SPEN: variants seen among roughly 807,000 people sequenced by gnomAD.
The protein encoded by SPEN is msx2-interacting protein.
A neutral mutation model predicts 269.9 loss-of-function variants in SPEN; 18 were observed. The observed-to-expected ratio is 0.07, with a 90% CI of 0.05 to 0.10. The LOEUF (loss-of-function observed/expected upper bound fraction) is 0.10. Ranked by LOEUF, SPEN falls within the 10% of genes least tolerant of loss-of-function variation. The pLI is 1.00. For missense variants in SPEN, 3,822 were observed against 4,631.2 expected (o/e 0.83, Z 5.07); for synonymous variants, 1,726 against 1,765.7 (o/e 0.98, Z 0.56).
chr1:15,859,353 C>CTTTT (rs1272953375), intron 1 of SPEN, among the ~76,000 whole-genome samples: 2 of 105,242 alleles, frequency 1.9e-5, no homozygotes, highest in African/African-American at 7.7e-5. Flanking sequence ...TTTTCTTTTT[C>CTTTT]TTTTCTTTTT....
intron 3 of SPEN, among the ~76,000 whole-genome samples, chr1:15,904,855 G>C (rs888966653): frequency 6.6e-6 from 1 of 151,390 alleles, no homozygotes; most frequent in Non-Finnish European, 1.5e-5. Flanking sequence ...TATTTTAAAG[G>C]CATTATCACC....
At chr1:15,938,133 A>G in intron 13 of SPEN, 127 bp downstream of exon 13, 1 of 898,480 alleles carries the variant, frequency 1.1e-6, no homozygotes, top group East Asian at 2.7e-5. Context: ...TTGTTGAAAC[A>G]GTCTCTGTCG....
At chr1:15,901,649 CAAAA>C (rs113563212) in intron 3 of SPEN, among the ~76,000 whole-genome samples, 7 of 52,822 alleles carry the variant, frequency 1.3e-4, no homozygotes, top group East Asian at 6.3e-4. Flanking sequence ...GACTCCATCT[CAAAA>C]AAAAAAAAAA....
At chr1:15,938,628 G>A (rs2071304407) in intron 13 of SPEN, 90 bp from the exon 14 acceptor site, 4 of 1,230,378 alleles carry the variant, frequency 3.3e-6, no homozygotes, top group Admixed American at 5.5e-5. Flanking sequence ...TCAGAGGTGG[G>A]GGTTTTTGTG....
chr1:15,932,915 C>T lies in SPEN; in HGVS notation c.6675C>T (p.Asp2225=). The change falls in exon 11 of 15, where the codon GAC becomes GAT. Residue 2225 remains aspartate (D), a synonymous_variant. Transcript: ENST00000375759. This position sits in a 1 kb window ranked among gnomAD's most constrained non-coding sequence, Gnocchi z 4.2. The stretch of plus-strand genomic sequence containing the variant: ...CGGCCATCGGCTCCATCATCAATGA[C>T]ATTTCTGGGGAGCCAGAAAACTTCC... ...LAAAIGSIIN[D]ISGEPENFPA... The T allele has an allele frequency of 6.2e-7, 1 of 1,614,268 alleles. No homozygotes were observed. The highest frequency in any genetic ancestry group is 8.5e-7 in the Non-Finnish European group (1 of 1,180,044).
rs1033167544 is a variant in SPEN, at chr1:15,932,976, G to T, written c.6736G>T (p.Asp2246Tyr). 2.5e-6 allele frequency: 4 copies of T among 1,614,086 alleles called. No homozygotes were observed. Among genetic ancestry groups the T allele is most frequent in the Non-Finnish European group, 3.4e-6 (4 of 1,180,038 alleles). ...PPPYPGESQT[D>Y]LQPPAGAQAL... ...ACCTTATCCTGGAGAATCCCAGACA[G>T]ATCTGCAACCCCCCGCAGGTGCACA... Residue 2246 changes from aspartate (D) to tyrosine (Y), a missense_variant, in exon 11 of 15, where the codon GAT becomes TAT. Asp to Tyr is a radical substitution (Grantham distance 160). Coordinates refer to ENST00000375759, the MANE Select transcript of SPEN (RefSeq NM_015001.3). This position sits in a 1 kb window ranked among gnomAD's most constrained non-coding sequence, Gnocchi z 4.2.
chr1:15,886,313 C>T (rs1358017688), intron 3 of SPEN, among the ~76,000 whole-genome samples: 1 of 152,148 alleles, frequency 6.6e-6, no homozygotes, highest in Non-Finnish European at 1.5e-5. Context: ...GAGAAGCGCT[C>T]ATCTGGGCAG....
In SPEN at chr1:15,848,452, C is replaced by T. The variant is rs2070298634; in HGVS notation, c.83+302C>T. Among the ~76,000 whole-genome samples, 1 of 151,734 alleles carries T rather than the reference C, an allele frequency of 6.6e-6. No homozygotes were observed. The highest frequency in any genetic ancestry group is 1.5e-5 in the Non-Finnish European group (1 of 67,914). On this transcript the variant is annotated intron_variant, in intron 1 of 14. Coordinates refer to ENST00000375759, the MANE Select transcript of SPEN (RefSeq NM_015001.3). This position sits in a 1 kb window ranked among gnomAD's most constrained non-coding sequence, Gnocchi z 5.1. ...GCAGCCGGCGCCCCGGGGCTGCCCT[C>T]GCGTCAGCCCGGGAGTCGGTGGGAG...
In SPEN at chr1:15,937,742, C is replaced by G; in HGVS notation, c.10510-70C>G. 6.2e-7 allele frequency: 1 copy of G among 1,609,460 alleles called. No individual in the cohort carries two copies. The highest frequency in any genetic ancestry group is 8.5e-7 in the Non-Finnish European group (1 of 1,177,836). On this transcript the variant is annotated intron_variant, in intron 12 of 14. Coordinates refer to ENST00000375759, the MANE Select transcript of SPEN (RefSeq NM_015001.3). This position sits in a 1 kb window ranked among gnomAD's most constrained non-coding sequence, Gnocchi z 5.7. ...AGTTAACAGACCCACAAGCTACAGC[C>G]TCTGGCTGTGTCCAGCATGGCTCAG...
rs529472724 is a variant in SPEN at position 15,897,180 on chromosome 1, G to A, written c.882-12141G>A. Among the ~76,000 whole-genome samples, 4 of 152,102 alleles carry A rather than the reference G, an allele frequency of 2.6e-5. No individual in the cohort carries two copies. In the East Asian group the frequency reaches 7.7e-4, roughly 29 times the overall value. On this transcript the variant is annotated intron_variant, in intron 3 of 14. Transcript: ENST00000375759. ...CAAACAAAGTTGAAATTAAAATATT[G>A]GTTACATAATAAAAACTTTGTTTTT...
chr1:15,929,304 G>C lies in SPEN; in HGVS notation c.3064G>C (p.Val1022Leu), dbSNP rs115566585. ...CGTGCTTTCAAAAAAGCAGCCTGAC[G>C]TGTCCTCTAGAGAGGTCATTCTGCT... ...ARVLSKKQPD[V>L]SSREVILLRE... Residue 1022 changes from valine (V) to leucine (L), a missense_variant, in exon 11 of 15, where the codon GTG becomes CTG. Physicochemically the swap from Val to Leu is conservative, Grantham distance 32. Transcript: ENST00000375759. This position sits in a 1 kb window ranked among gnomAD's most constrained non-coding sequence, Gnocchi z 5.8. 3 of 1,614,198 alleles carry C rather than the reference G, an allele frequency of 1.9e-6. No homozygotes were observed. The highest frequency in any genetic ancestry group is 8.5e-7 in the Non-Finnish European group (1 of 1,180,026).
rs138355680 is a variant in SPEN, at chr1:15,929,649, C to T, written c.3409C>T (p.Arg1137Cys). 6.8e-6 allele frequency: 11 copies of T among 1,613,966 alleles called. No homozygotes were observed. The African/African-American group carries it at 1.3e-4, about 20-fold the overall frequency. Residue 1137 changes from arginine to cysteine, a missense_variant, in exon 11 of 15, where the codon CGT becomes TGT. By Grantham distance (180) the Arg-to-Cys change is radical (BLOSUM62 -3). Transcript: ENST00000375759. The surrounding 1 kb of genome is among the most constrained non-coding windows in gnomAD (Gnocchi z 5.8). ...CGTTAGGAAAAACTATTGCAGTCTTCGTGATGAAACACCTGAACGTAAATC... is the reference window on the plus strand; with the variant it reads ...CGTTAGGAAAAACTATTGCAGTCTTTGTGATGAAACACCTGAACGTAAATC... The part of the protein sequence containing the change: ...EDVRKNYCSL[R>C]DETPERKSGQ...
rs550385254 is a variant in SPEN, at chr1:15,876,481, A to G, written c.684A>G (p.Val228=). The change falls in exon 3 of 15, where the codon GTA becomes GTG. Residue 228 remains valine (V), a synonymous_variant. Transcript: ENST00000375759. ...ACAGGGATGATATTACCCGGGAGGT[A>G]CGAGGCAGAAGGCCAGAGCGGAATT... ...DIYRDDITRE[V]RGRRPERNYQ... 8.7e-6 allele frequency: 14 copies of G among 1,614,178 alleles called. No homozygotes were observed. The South Asian group carries it at 1.4e-4, about 16-fold the overall frequency.
rs372374019 is a variant in SPEN at position 15,931,979 on chromosome 1, C to T, written c.5739C>T (p.Asp1913=). 6.2e-7 allele frequency: 1 copy of T among 1,614,220 alleles called. No homozygotes were observed. The highest frequency in any genetic ancestry group is 8.5e-7 in the Non-Finnish European group (1 of 1,180,036). Residue 1913 remains aspartate, a synonymous_variant, in exon 11 of 15, where the codon GAC becomes GAT. Transcript: ENST00000375759. The surrounding 1 kb of genome is among the most constrained non-coding windows in gnomAD (Gnocchi z 4.8). ...NVRSVYATMG[D]HENRSPVKEP... is the part of the protein sequence containing the mutation. Reference sequence around the variant, plus strand: ...GGAGCGTCTATGCAACCATGGGTGACCATGAAAACCGCTCTCCTGTCAAAG... The same window carrying T: ...GGAGCGTCTATGCAACCATGGGTGATCATGAAAACCGCTCTCCTGTCAAAG...
At chr1:15,909,760 G>A (rs1477267501) in intron 4 of SPEN, among the ~76,000 whole-genome samples, 1 of 152,122 alleles carries the variant, frequency 6.6e-6, no homozygotes, top group East Asian at 1.9e-4. Context: ...ACTATTAGTA[G>A]ATAGTCATGC....
chr1:15,850,595 T>C (rs1180608544), intron 1 of SPEN, among the ~76,000 whole-genome samples: 3 of 152,224 alleles, frequency 2.0e-5, no homozygotes, highest in Non-Finnish European at 4.4e-5. Flanking sequence ...TTTATCTTTC[T>C]GCATGTACAA....
intron 4 of SPEN, 99 bp from the exon 5 acceptor site, chr1:15,911,002 C>A: frequency 9.3e-7 from 1 of 1,071,612 alleles, no homozygotes; most frequent in Non-Finnish European, 1.3e-6. Context: ...CTGACATGAA[C>A]AAAAAAATGA....
At chr1:15,857,689 G>GTT (rs34199284) in intron 1 of SPEN, among the ~76,000 whole-genome samples, 6 of 151,340 alleles carry the variant, frequency 4.0e-5, no homozygotes, top group East Asian at 2.0e-4. Flanking sequence ...TAAAAAAATT[G>GTT]TTTTTTTTCT....
At chr1:15,878,193 A>C (rs1055581504) in intron 3 of SPEN, among the ~76,000 whole-genome samples, 2 of 152,154 alleles carry the variant, frequency 1.3e-5, no homozygotes, top group Non-Finnish European at 2.9e-5. Context: ...CTGCTTTTCA[A>C]TTTAGGTGGT....
Sources: gnomAD v4.1 joint callset for allele counts (sites outside exome capture counted in the v4.1 genomes callset) on GRCh38, gnomAD v4.1.1 for gene constraint, Gnocchi (gnomAD v3.1) non-coding constraint, MANE v1.5 for transcripts, NCBI Gene and HGNC (gene_info 2026-07-23, HGNC 2026-07-21) for gene names.